The following TRIM24 variants were observed in gnomAD, a reference collection of about 807,000 sequenced individuals.
TRIM24 encodes the protein transcription intermediary factor 1-alpha.
TRIM24 carries 29 observed loss-of-function variants against 123.9 expected under a neutral mutation model. That is an observed-to-expected ratio of 0.23 (90% confidence interval 0.17 to 0.32). The LOEUF (loss-of-function observed/expected upper bound fraction) is 0.32. Ranked by LOEUF, TRIM24 falls within the 10% of genes least tolerant of loss-of-function variation. TRIM24 has a pLI of 1.00. For synonymous variants in TRIM24, 456 were observed against 461.1 expected, an observed-to-expected ratio of 0.99 and a Z score of 0.14; for missense variants, 932 against 1,295.3, an observed-to-expected ratio of 0.72 and a Z score of 4.31.
chr7:138,483,873 T>C (rs1028805948), intron 1 of TRIM24, among the ~76,000 whole-genome samples: 9 of 152,172 alleles, frequency 5.9e-5, no homozygotes, highest in African/African-American at 2.2e-4. Context: ...TATTTAAGCA[T>C]AAGCAGAAAT....
At chr7:138,464,689 G>A (rs1267270501) in intron 1 of TRIM24, among the ~76,000 whole-genome samples, 2 of 151,858 alleles carry the variant, frequency 1.3e-5, no homozygotes, top group Non-Finnish European at 2.9e-5. Flanking sequence ...TAATTTATGG[G>A]CCCATGCTAT....
chr7:138,576,327 A>G (rs1353542497), intron 12 of TRIM24, 46 bp from the exon 13 acceptor site: 2 of 1,556,800 alleles, frequency 1.3e-6, no homozygotes, highest in Non-Finnish European at 1.8e-6. Context: ...ACTTCAATGC[A>G]TAATTATTCA....
Position 138,554,620 on chromosome 7 carries a change from C to A in TRIM24, c.1262-78C>A. On this transcript the variant is annotated intron_variant, in intron 8 of 18. Transcript: ENST00000343526. This position sits in a 1 kb window ranked among gnomAD's most constrained non-coding sequence, Gnocchi z 4.5. The stretch of plus-strand genomic sequence containing the variant: ...ATTTCTTGGCAATTTTGAAGTTCTG[C>A]AAAAATAGCTTTAGAAAATGTGATA... 1 of 1,506,136 alleles carries A rather than the reference C, an allele frequency of 6.6e-7. No individual in the cohort carries two copies. Among genetic ancestry groups the A allele is most frequent in the Non-Finnish European group, 9.0e-7 (1 of 1,111,764 alleles). The allele number at this position is 1,506,136 out of a possible 1,614,324, so 93.3% of individuals were successfully genotyped here. A position where few individuals can be genotyped will look rare whatever the true frequency, so the allele number is the denominator to read the frequency against.
At chr7:138,542,365 C>G (rs1797022437) in intron 7 of TRIM24, among the ~76,000 whole-genome samples, 1 of 152,048 alleles carries the variant, frequency 6.6e-6, no homozygotes, top group South Asian at 2.1e-4. Flanking sequence ...ACTACGGAGG[C>G]CTGAGGAGAG....
At chr7:138,493,733 C>T (rs992683588) in intron 1 of TRIM24, among the ~76,000 whole-genome samples, 3 of 152,082 alleles carry the variant, frequency 2.0e-5, no homozygotes, top group African/African-American at 2.4e-5. Context: ...ATAGCAACAG[C>T]GAGCCATTCT....
rs771601663 is a variant in TRIM24, at chr7:138,579,273, A to C, written c.2326A>C (p.Thr776Pro). ...NSSQSSTSEETVLRSDAPDST... is the reference protein window; with the variant it reads ...NSSQSSTSEEPVLRSDAPDST... ...CAGTCAGAGCTCTACTTCTGAGGAG[A>C]CTGTGCTAAGATCAGATGCCCCTGA... Residue 776 changes from threonine (T) to proline (P), a missense_variant, in exon 15 of 19, where the codon ACT becomes CCT. This residue lies in a region of TRIM24 where 527 missense variants were observed against 691.3 expected (regional missense o/e 0.76). Transcript: ENST00000343526. The C allele has an allele frequency of 6.2e-7, 1 of 1,614,034 alleles. No homozygotes were observed. Among genetic ancestry groups the C allele is most frequent in the South Asian group, 1.1e-5 (1 of 91,054 alleles).
intron 2 of TRIM24, among the ~76,000 whole-genome samples, chr7:138,513,202 C>T (rs1404380580): frequency 3.3e-5 from 5 of 152,154 alleles, no homozygotes; most frequent in African/African-American, 1.2e-4. Flanking sequence ...GCATTTTGGT[C>T]CCAACAATTT....
intron 1 of TRIM24, 105 bp from the exon 2 acceptor site, chr7:138,504,185 A>G (rs1796099273): frequency 3.1e-6 from 2 of 642,886 alleles, no homozygotes; most frequent in African/African-American, 3.8e-5. Context: ...TATGAATTTA[A>G]AAAGAATGGA....
At chr7:138,519,374 A>G in intron 4 of TRIM24, 53 bp downstream of exon 4, 1 of 1,534,036 alleles carries the variant, frequency 6.5e-7, no homozygotes, top group Non-Finnish European at 8.7e-7. Flanking sequence ...TTAGAGGACT[A>G]AAGGACTGCT....
Position 138,587,222 on chromosome 7 carries a change from G to C in TRIM24, c.*2271G>C, listed in dbSNP as rs1054771801. 6.6e-6 allele frequency: 1 copy of C among 152,092 alleles called. No homozygotes were observed. The highest frequency in any genetic ancestry group is 1.5e-5 in the Non-Finnish European group (1 of 68,036). 9.4% of individuals were successfully genotyped at this position (152,092 alleles called of 1,614,324 possible). A position where few individuals can be genotyped will look rare whatever the true frequency, so the allele number is the denominator to read the frequency against. ...ACAAAAATTAGCCGGACATGGTGGC[G>C]TGCAACTGTAATCCCAACTACTCAG... On this transcript the variant is annotated 3_prime_UTR_variant, in exon 19 of 19. Transcript: ENST00000343526.
At chr7:138,462,868 A>T (rs1422920209) in intron 1 of TRIM24, among the ~76,000 whole-genome samples, 4 of 148,294 alleles carry the variant, frequency 2.7e-5, no homozygotes, top group African/African-American at 5.0e-5. Context: ...TTATTTATTT[A>T]TTTATTTATT....
intron 18 of TRIM24, 116 bp from the exon 19 acceptor site, chr7:138,584,625 TA>T: frequency 1.2e-6 from 1 of 805,456 alleles, no homozygotes; most frequent in Non-Finnish European, 1.9e-6. Context: ...TGTCTAGTCC[TA>T]AACTATTATT....
chr7:138,508,129 A>G (rs1265837749), intron 2 of TRIM24, among the ~76,000 whole-genome samples: 2 of 152,146 alleles, frequency 1.3e-5, no homozygotes, highest in Non-Finnish European at 2.9e-5. Context: ...CCTTTGCTTC[A>G]CTTGCTTTCC....
At chr7:138,519,463 C>T in intron 4 of TRIM24, 142 bp downstream of exon 4, 1 of 855,120 alleles carries the variant, frequency 1.2e-6, no homozygotes, top group East Asian at 2.7e-5. Context: ...GGGTTTGTCA[C>T]TTTTGACACT....
At chr7:138,523,671 A>G (rs1025386057) in intron 4 of TRIM24, among the ~76,000 whole-genome samples, 7 of 147,702 alleles carry the variant, frequency 4.7e-5, no homozygotes, top group African/African-American at 1.7e-4. Flanking sequence ...GAATGGCGTG[A>G]ACCCAGGAGG....
chr7:138,487,031 T>C (rs1481941379), intron 1 of TRIM24, among the ~76,000 whole-genome samples: 1 of 152,188 alleles, frequency 6.6e-6, no homozygotes, highest in Non-Finnish European at 1.5e-5. Flanking sequence ...TGGTTTGTAG[T>C]TCTCCTTGAA....
At chr7:138,532,942 G>T (rs565879736) in intron 6 of TRIM24, among the ~76,000 whole-genome samples, 2 of 152,036 alleles carry the variant, frequency 1.3e-5, no homozygotes, top group East Asian at 1.9e-4. Flanking sequence ...CCTTGTAAGT[G>T]GGATTCCTAG....
chr7:138,517,742 G>T (rs1380240926), intron 3 of TRIM24, among the ~76,000 whole-genome samples: 1 of 151,988 alleles, frequency 6.6e-6, no homozygotes, highest in Non-Finnish European at 1.5e-5. Flanking sequence ...CTTTATCGTT[G>T]GGGACTGATT....
intron 7 of TRIM24, among the ~76,000 whole-genome samples, chr7:138,543,141 T>G (rs1797036333): frequency 3.3e-5 from 5 of 152,208 alleles, no homozygotes; most frequent in Admixed American, 2.6e-4. Flanking sequence ...GTGTTCTGAT[T>G]TTGTTTGATT....
Sources: allele counts gnomAD v4.1 joint callset (sites outside exome capture counted in the v4.1 genomes callset), GRCh38; gene constraint gnomAD v4.1.1; regional missense constraint gnomAD v4.1.1; non-coding constraint Gnocchi (gnomAD v3.1); transcripts MANE v1.5; gene names NCBI Gene and HGNC (gene_info 2026-07-23, HGNC 2026-07-21).